The following CFAP54 variants were observed in gnomAD, a reference collection of about 807,000 sequenced individuals.
CFAP54 encodes cilia- and flagella-associated protein 54.
In CFAP54, 290 loss-of-function variants were observed where a neutral mutation model predicts 370.4. That is an observed-to-expected ratio of 0.78 (90% CI 0.71 to 0.86). The LOEUF is 0.86. CFAP54 is among the 40% of genes least tolerant of loss of function. The pLI, the probability that CFAP54 is intolerant of heterozygous loss-of-function variation, is 0.00. For synonymous variants in CFAP54, 1,206 were observed against 1,236.5 expected, an observed-to-expected ratio of 0.98 and a Z score of 0.52; for missense variants, 3,399 against 3,528.7, an observed-to-expected ratio of 0.96 and a Z score of 0.93.
chr12:96,601,345 G>A (rs1177669781), intron 26 of CFAP54, among the ~76,000 whole-genome samples: 1 of 152,150 alleles, frequency 6.6e-6, no homozygotes, highest in Non-Finnish European at 1.5e-5. Context: ...ATGTGCTGCT[G>A]GATTTGGTTT....
chr12:96,708,567 A>C (rs759295333), intron 47 of CFAP54, 41 bp from the exon 48 acceptor site: 1 of 1,502,092 alleles, frequency 6.7e-7, no homozygotes, highest in Non-Finnish European at 9.1e-7. Context: ...CTGAAAAAGT[A>C]TTTTTCTAAT....
In CFAP54 at chr12:96,802,641, A is replaced by G. The variant is rs538866330; in HGVS notation, c.8851-9095A>G. Among the ~76,000 whole-genome samples the G allele has an allele frequency of 1.1e-4, 16 of 151,726 alleles. No individual in the cohort carries two copies. In the East Asian group the frequency reaches 3.1e-3, roughly 29 times the overall value. ...GACTACTCCCACTACTAACTTCTTT[A>G]TTATTATTATTATTATACTTTAAGT... On this transcript the variant is annotated intron_variant, in intron 63 of 67. Coordinates refer to ENST00000524981, the MANE Select transcript of CFAP54 (RefSeq NM_001306084.2).
At chr12:96,751,195 C>T (rs1174428974) in intron 55 of CFAP54, among the ~76,000 whole-genome samples, 1 of 152,034 alleles carries the variant, frequency 6.6e-6, no homozygotes, top group African/African-American at 2.4e-5. Context: ...ATGAAAGTTA[C>T]TTACATTTCT....
intron 15 of CFAP54, among the ~76,000 whole-genome samples, chr12:96,549,627 T>C (rs1207737762): frequency 6.6e-6 from 1 of 152,236 alleles, no homozygotes; most frequent in East Asian, 1.9e-4. Context: ...GATTCTGATA[T>C]TGACTATTTG....
At position 96,578,881 on chromosome 12, in the gene CFAP54, A is replaced by T. The variant is rs374980905; in HGVS notation, c.2797-1716A>T. The stretch of plus-strand genomic sequence containing the variant: ...ATTACGTATAAACTGTTCTAAAGTT[A>T]GTACTGATTTGTTCATGATGTCTCT... On this transcript the variant is annotated intron_variant, in intron 20 of 67. Coordinates refer to ENST00000524981, the MANE Select transcript of CFAP54 (RefSeq NM_001306084.2). Among the ~76,000 whole-genome samples, 3 of 152,208 alleles carry T rather than the reference A, an allele frequency of 2.0e-5. No homozygotes were observed. The East Asian group carries it at 5.8e-4, about 29-fold the overall frequency.
At chr12:96,578,275 A>G (rs574394639) in intron 20 of CFAP54, among the ~76,000 whole-genome samples, 1 of 152,304 alleles carries the variant, frequency 6.6e-6, no homozygotes, top group Non-Finnish European at 1.5e-5. Context: ...ACTGATGACA[A>G]CCTTCATAGT....
intron 9 of CFAP54, among the ~76,000 whole-genome samples, chr12:96,528,240 G>T (rs912165323): frequency 5.4e-5 from 8 of 148,702 alleles, no homozygotes; most frequent in African/African-American, 1.5e-4. Context: ...GTTTTTTTTT[G>T]TTGTTGTTTT....
At position 96,589,475 on chromosome 12, in the gene CFAP54, C is replaced by A; in HGVS notation, c.3124C>A (p.Pro1042Thr). The A allele has an allele frequency of 6.5e-7, 1 of 1,531,100 alleles. No homozygotes were observed. Among genetic ancestry groups the A allele is most frequent in the Non-Finnish European group, 8.8e-7 (1 of 1,142,648 alleles). The allele number at this position is 1,531,100 out of a possible 1,614,324, so 94.8% of individuals were successfully genotyped here. A position where few individuals can be genotyped will look rare whatever the true frequency, so the allele number is the denominator to read the frequency against. Residue 1042 changes from proline to threonine, a missense_variant, in exon 23 of 68, where the codon CCA becomes ACA. Around this residue, in one of 3 missense-constraint regions of CFAP54, gnomAD observed 2,796 missense variants for 2,869.7 expected, o/e 0.97. Transcript: ENST00000524981. ...NYELAKKVFS[P>T]VWDYFVASPL... is the part of the protein sequence containing the mutation. The stretch of plus-strand genomic sequence containing the variant: ...TGAATTGGCTAAGAAAGTTTTCTCA[C>A]CAGTTTGGGATTATTTTGTTGCTTC...
chr12:96,519,452 G>T (rs1250147774), intron 6 of CFAP54, among the ~76,000 whole-genome samples: 1 of 151,982 alleles, frequency 6.6e-6, no homozygotes, highest in African/African-American at 2.4e-5. Flanking sequence ...ATGCCTGCCA[G>T]GGGAAAAACA....
chr12:96,671,926 AAAAGAGAGAG>A (rs1957151052), intron 39 of CFAP54, among the ~76,000 whole-genome samples: 1 of 151,972 alleles, frequency 6.6e-6, no homozygotes, highest in African/African-American at 2.4e-5. Flanking sequence ...CTTATCTCAA[AAAAGAGAGAG>A]AGAGAGAGAG....
intron 32 of CFAP54, among the ~76,000 whole-genome samples, chr12:96,636,383 C>A (rs1161561474): frequency 1.3e-5 from 2 of 152,000 alleles, no homozygotes; most frequent in African/African-American, 4.8e-5. Flanking sequence ...AAAAAATTAT[C>A]CATTTTATCT....
At position 96,772,378 on chromosome 12, in the gene CFAP54, C is replaced by T. The variant is rs143622963; in HGVS notation, c.8281+7160C>T. Among the ~76,000 whole-genome samples, 1,046 of 152,214 alleles carry T rather than the reference C, an allele frequency of 6.9e-3. 9 individuals are homozygous for T. Among genetic ancestry groups the T allele is most frequent in the South Asian group, 0.022 (107 of 4,822 alleles). On this transcript the variant is annotated intron_variant, in intron 60 of 67. Coordinates refer to ENST00000524981, the MANE Select transcript of CFAP54 (RefSeq NM_001306084.2). ...GGGAGAATCTGTTTCCTTGCATTTC[C>T]CAGCTTCTAGAGGCCACCTGAATTC...
chr12:96,651,525 AGTT>A (rs1197690236), intron 35 of CFAP54, 60 bp from the exon 36 acceptor site: 2 of 1,283,566 alleles, frequency 1.6e-6, no homozygotes, highest in Non-Finnish European at 2.2e-6. Context: ...AAAAAGATGA[AGTT>A]GTTCAGAGAT....
At chr12:96,828,001 A>G (rs1168685094) in intron 65 of CFAP54, among the ~76,000 whole-genome samples, 1 of 121,232 alleles carries the variant, frequency 8.2e-6, no homozygotes, top group Non-Finnish European at 1.6e-5. Flanking sequence ...GTTATATATA[A>G]TATATAATTA....
chr12:96,591,993 T>C (rs1565906427), intron 23 of CFAP54, among the ~76,000 whole-genome samples: 2 of 152,008 alleles, frequency 1.3e-5, no homozygotes, highest in Non-Finnish European at 2.9e-5. Context: ...ATGACTCAGT[T>C]GATGTAATCG....
At chr12:96,555,248 C>T (rs889169701) in intron 17 of CFAP54, among the ~76,000 whole-genome samples, 1 of 151,806 alleles carries the variant, frequency 6.6e-6, no homozygotes, top group Non-Finnish European at 1.5e-5. Context: ...ATATCTATAT[C>T]AAATAAGAAA....
At chr12:96,567,444 T>C (rs1052022392) in intron 19 of CFAP54, among the ~76,000 whole-genome samples, 1 of 152,016 alleles carries the variant, frequency 6.6e-6, no homozygotes, top group Non-Finnish European at 1.5e-5. Context: ...TTTCCAGAAT[T>C]TGAATGAGGA....
In CFAP54 at chr12:96,528,195, T is replaced by C. The variant is rs569121390; in HGVS notation, c.1357+751T>C. Among the ~76,000 whole-genome samples the C allele has an allele frequency of 4.6e-5, 7 of 152,286 alleles. 1 individual carries two copies. Among genetic ancestry groups the C allele is most frequent in the Admixed American group, 4.6e-4 (7 of 15,300 alleles). The stretch of plus-strand genomic sequence containing the variant: ...ATTTTTATAGATACCCTTTTGCAGA[T>C]CACAGATGTTTCTTGTATTCCTGGT... On this transcript the variant is annotated intron_variant, in intron 9 of 67. Coordinates refer to ENST00000524981, the MANE Select transcript of CFAP54 (RefSeq NM_001306084.2).
chr12:96,826,665 T>G (rs1167801755), intron 65 of CFAP54, among the ~76,000 whole-genome samples: 1 of 108,702 alleles, frequency 9.2e-6, no homozygotes, highest in Admixed American at 1.2e-4. Flanking sequence ...ATATTATATA[T>G]AAATATATAA....
Sources: gnomAD v4.1 joint callset for allele counts (sites outside exome capture counted in the v4.1 genomes callset) on GRCh38, gnomAD v4.1.1 for gene constraint, gnomAD v4.1.1 regional missense constraint, MANE v1.5 for transcripts, NCBI Gene and HGNC (gene_info 2026-07-23, HGNC 2026-07-21) for gene names.